UNC79: variants seen among roughly 807,000 people sequenced by gnomAD.
The protein encoded by UNC79 is protein unc-79 homolog.
UNC79 carries 37 observed loss-of-function variants against 283.1 expected under a neutral mutation model. The observed-to-expected ratio is 0.13, with a 90% CI of 0.10 to 0.17. The LOEUF (loss-of-function observed/expected upper bound fraction) is 0.17. UNC79 is among the 10% of genes least tolerant of loss of function. The pLI is 1.00. For synonymous variants in UNC79, 1,107 were observed against 1,200.2 expected (o/e 0.92, Z 1.61); for missense variants, 2,272 against 3,211.1 (o/e 0.71, Z 7.07).
At position 93,586,754 on chromosome 14, in the gene UNC79, G is replaced by T. The variant is rs751455620; in HGVS notation, c.2884-6G>T. 3 of 1,612,708 alleles carry T rather than the reference G, an allele frequency of 1.9e-6. No individual in the cohort carries two copies. Among genetic ancestry groups the T allele is most frequent in the South Asian group, 1.1e-5 (1 of 90,698 alleles). ...TAACTTAGTAACCATGTGGTTTTTT[G>T]TATAGGAAATGGCTAAGTTTGAAGA... On this transcript the variant is annotated splice_region_variant and splice_polypyrimidine_tract_variant and intron_variant, in intron 21 of 48. Transcript: ENST00000555664.
At chr14:93,385,242 C>A (rs930527226) in intron 1 of UNC79, among the ~76,000 whole-genome samples, 1 of 152,126 alleles carries the variant, frequency 6.6e-6, no homozygotes, top group African/African-American at 2.4e-5. Context: ...TGCATTGAAT[C>A]TGTAGATTGC....
chr14:93,604,751 T>C (rs776209480), intron 26 of UNC79, 145 bp from the exon 27 acceptor site: 23 of 785,684 alleles, frequency 2.9e-5, no homozygotes, highest in Non-Finnish European at 4.2e-5. Flanking sequence ...AAACGTTTGT[T>C]ACATAAACAA....
intron 4 of UNC79, among the ~76,000 whole-genome samples, chr14:93,486,815 C>T (rs140108366): frequency 1.4e-4 from 22 of 151,936 alleles, no homozygotes; most frequent in Non-Finnish European, 8.8e-5. Flanking sequence ...TATTTGATGT[C>T]ATCTTAAACA....
intron 4 of UNC79, among the ~76,000 whole-genome samples, chr14:93,484,498 T>C (rs1341785536): frequency 2.6e-5 from 4 of 152,200 alleles, no homozygotes; most frequent in African/African-American, 9.7e-5. Flanking sequence ...TGCAGGAACA[T>C]ATTAAGGCAT....
intron 1 of UNC79, among the ~76,000 whole-genome samples, chr14:93,389,632 AG>A (rs1276673011): frequency 0.011 from 1,674 of 151,466 alleles, 31 homozygotes; most frequent in African/African-American, 0.038. Flanking sequence ...AAATTCTTCC[AG>A]AAAACAAGAA....
At chr14:93,538,213 G>A in exon 12 of UNC79, 2 of 1,589,770 alleles carry the variant, frequency 1.3e-6, no homozygotes, top group Non-Finnish European at 1.7e-6. Flanking sequence ...TGGAAGCCGT[G>A]ATCAGGTAAC....
chr14:93,540,754 G>A, exon 13 of UNC79: 1 of 1,613,786 alleles, frequency 6.2e-7, no homozygotes. Context: ...CCATTCCCTG[G>A]ATAATGCTGA....
chr14:93,661,887 A>AATTTAGTG (rs1386825063), intron 39 of UNC79, among the ~76,000 whole-genome samples: 1 of 152,182 alleles, frequency 6.6e-6, no homozygotes, highest in Non-Finnish European at 1.5e-5. Flanking sequence ...CTTGTGTCAG[A>AATTTAGTG]ATTTAGTGCT....
chr14:93,693,113 T>G (rs115842853), intron 46 of UNC79, among the ~76,000 whole-genome samples: 1,530 of 152,352 alleles, frequency 0.01, 28 homozygotes, highest in African/African-American at 0.034. Context: ...TGAAGCACTT[T>G]GTTCTTTAGA....
At position 93,453,882 on chromosome 14, in the gene UNC79, G is replaced by T. The variant is rs918610476; in HGVS notation, c.23-13789G>T. On this transcript the variant is annotated intron_variant, in intron 1 of 48. Coordinates refer to ENST00000555664, the Ensembl canonical transcript of UNC79. ...ATGAATCTGACTTTCAAAGTTTCTAGTACAAGTTCTCTTGACCAATAGTGC... is the reference window on the plus strand; with the variant it reads ...ATGAATCTGACTTTCAAAGTTTCTATTACAAGTTCTCTTGACCAATAGTGC... Among the ~76,000 whole-genome samples, 4 of 152,216 alleles carry T rather than the reference G, an allele frequency of 2.6e-5. 1 individual carries two copies. The highest frequency in any genetic ancestry group is 6.5e-5 in the Admixed American group (1 of 15,300).
intron 1 of UNC79, among the ~76,000 whole-genome samples, chr14:93,411,347 G>GA (rs1798551625): frequency 1.3e-5 from 2 of 152,182 alleles, no homozygotes; most frequent in Admixed American, 1.3e-4. Context: ...GTCACCTCTG[G>GA]ACCCACCCAG....
rs377566969 is a variant in UNC79 at position 93,461,846 on chromosome 14, A to G, written c.23-5825A>G. Among the ~76,000 whole-genome samples the G allele has an allele frequency of 4.6e-5, 7 of 152,316 alleles. 1 individual carries two copies. The East Asian group carries it at 7.7e-4, about 17-fold the overall frequency. ...GACAAGGAAGTTTGCAAAGACCTCC[A>G]TAATGAGGAAGGGACACTTAAAGTC... On this transcript the variant is annotated intron_variant, in intron 1 of 48. Transcript: ENST00000555664.
chr14:93,437,419 C>A (rs890720663), intron 1 of UNC79: 2 of 152,100 alleles, frequency 1.3e-5, no homozygotes, highest in Admixed American at 6.6e-5. Flanking sequence ...GAACTTTTCA[C>A]AGATTTATGT....
At chr14:93,516,809 A>G (rs1300094712) in intron 7 of UNC79, among the ~76,000 whole-genome samples, 2 of 151,976 alleles carry the variant, frequency 1.3e-5, no homozygotes, top group East Asian at 3.9e-4. Context: ...GAGAATTGAC[A>G]TCTTAACAAT....
At chr14:93,615,971 T>A (rs931976273) in intron 27 of UNC79, among the ~76,000 whole-genome samples, 18 of 152,196 alleles carry the variant, frequency 1.2e-4, no homozygotes, top group African/African-American at 4.3e-4. Flanking sequence ...CATACTGATA[T>A]ATATGCCACC....
intron 22 of UNC79, 84 bp from the exon 23 acceptor site, chr14:93,593,596 T>C (rs2064849408): frequency 6.6e-7 from 1 of 1,510,470 alleles, no homozygotes; most frequent in Admixed American, 2.1e-5. Context: ...TTGTAACTAC[T>C]CTTGCCATAA....
intron 1 of UNC79, among the ~76,000 whole-genome samples, chr14:93,349,987 T>G (rs947642657): frequency 6.6e-6 from 1 of 152,340 alleles, no homozygotes; most frequent in South Asian, 2.1e-4. Context: ...AGGTAAACTT[T>G]TTATGTAATT....
intron 1 of UNC79, among the ~76,000 whole-genome samples, chr14:93,386,061 G>A (rs1414358308): frequency 1.3e-5 from 2 of 152,074 alleles, no homozygotes; most frequent in Non-Finnish European, 2.9e-5. Flanking sequence ...GATCTTAGGG[G>A]AAAGGCTTTC....
At chr14:93,535,217 T>C (rs1378472427) in intron 11 of UNC79, among the ~76,000 whole-genome samples, 1 of 152,208 alleles carries the variant, frequency 6.6e-6, no homozygotes, top group Non-Finnish European at 1.5e-5. Context: ...CTAGTTTAGT[T>C]TGGAAATGAA....
Sources: gnomAD v4.1 joint callset for allele counts (sites outside exome capture counted in the v4.1 genomes callset) on GRCh38, gnomAD v4.1.1 for gene constraint, MANE v1.5 for transcripts, NCBI Gene and HGNC (gene_info 2026-07-23, HGNC 2026-07-21) for gene names.